The following FCAMR variants were observed in gnomAD, a reference collection of about 807,000 sequenced individuals.
FCAMR encodes high affinity immunoglobulin alpha and immunoglobulin mu Fc receptor.
A neutral mutation model predicts 52.2 loss-of-function variants in FCAMR; 51 were observed. That is an observed-to-expected ratio of 0.98 (90% CI 0.78 to 1.23). FCAMR has a LOEUF of 1.23. Among genes scored for constraint, FCAMR ranks in the 50% most tolerant of loss-of-function variants. The pLI, the probability that FCAMR is intolerant of heterozygous loss-of-function variation, is 0.00. For synonymous variants in FCAMR, 282 were observed against 262.0 expected (o/e 1.08, Z -0.74); for missense variants, 719 against 712.6 (o/e 1.01, Z -0.10).
At chr1:206,968,990 C>A (rs1002487679) in intron 1 of FCAMR, among the ~76,000 whole-genome samples, 3 of 152,182 alleles carry the variant, frequency 2.0e-5, no homozygotes, top group African/African-American at 7.2e-5. Context: ...TGTAGCAAGT[C>A]CCCTAGCTTG....
At chr1:206,960,147 C>A in intron 6 of FCAMR, 1 of 509,384 alleles carries the variant, frequency 2.0e-6, no homozygotes, top group Non-Finnish European at 3.4e-6. Flanking sequence ...TCCGGAGCGC[C>A]TATTCTTTAT....
rs1188472581 is a variant in FCAMR at position 206,962,331 on chromosome 1, T to C, written c.534A>G (p.Arg178=). 2 of 1,614,150 alleles carry C rather than the reference T, an allele frequency of 1.2e-6. No individual in the cohort carries two copies. Among genetic ancestry groups the C allele is most frequent in the African/African-American group, 1.3e-5 (1 of 75,028 alleles). Residue 178 remains arginine (R), a synonymous_variant, in exon 5 of 8, where the codon AGA becomes AGG. Coordinates refer to ENST00000324852, the MANE Select transcript of FCAMR (RefSeq NM_001170631.2). ...GGGACAGCCTCACCACAAACAAGCC[T>C]CTCTGTGGAAAGTCTGTGAGGGCCA... ...DRVALTDFPQ[R]GLFVVRLSQL...
At position 206,960,942 on chromosome 1, in the gene FCAMR, G is replaced by T. The variant is rs763852435; in HGVS notation, c.934C>A (p.Pro312Thr). ...VKAPAPIPES[P>T]PSKSRSMSNT... is the part of the protein sequence containing the mutation. The stretch of plus-strand genomic sequence containing the variant: ...GACATGCTTCTGCTCTTTGAAGGTG[G>T]ACTCTCTGGAATCGGAGCAGGTGCT... Residue 312 changes from proline to threonine, a missense_variant, in exon 6 of 8, where the codon CCA becomes ACA. Pro to Thr is a conservative substitution (Grantham distance 38, BLOSUM62 -1). Coordinates refer to ENST00000324852, the MANE Select transcript of FCAMR (RefSeq NM_001170631.2). 1 of 1,552,166 alleles carries T rather than the reference G, an allele frequency of 6.4e-7. No homozygotes were observed. The highest frequency in any genetic ancestry group is 8.7e-7 in the Non-Finnish European group (1 of 1,147,098).
At chr1:206,959,560 C>CCTAGAATTTAG in intron 7 of FCAMR, 119 bp downstream of exon 7, 1 of 718,716 alleles carries the variant, frequency 1.4e-6, no homozygotes, top group Non-Finnish European at 2.5e-6. Flanking sequence ...AATGGCTCAG[C>CCTAGAATTTAG]CTAGAATTTA....
In FCAMR at chr1:206,965,748, G is replaced by A; in HGVS notation, c.280C>T (p.Pro94Ser). 7 of 1,580,412 alleles carry A rather than the reference G, an allele frequency of 4.4e-6. No homozygotes were observed. Among genetic ancestry groups the A allele is most frequent in the Non-Finnish European group, 6.0e-6 (7 of 1,167,730 alleles). The change falls in exon 4 of 8, where the codon CCC becomes TCC. Residue 94 changes from proline (P) to serine (S), a missense_variant. By Grantham distance (74) the Pro-to-Ser change is moderately conservative (BLOSUM62 -1). Transcript: ENST00000324852. ...GAGCTCTCCTCCCGCCAGCAGAGGG[G>A]CGAGGAAGGCCTGAGTGTTCCCATG... ...RAMGTLRPSSPLCWREESSFA... is the reference protein window; with the variant it reads ...RAMGTLRPSSSLCWREESSFA...
In FCAMR at chr1:206,961,191, C is replaced by G; in HGVS notation, c.685G>C (p.Ala229Pro). Residue 229 changes from alanine to proline, a missense_variant, in exon 6 of 8, where the codon GCT (alanine) becomes CCT (proline). Ala to Pro is a conservative substitution (Grantham distance 27). Transcript: ENST00000324852. ...GATCTCATGGTGAGCTCCCCAGCAG[C>G]TGGAGTGGCTGTGGGGAGGGTGCTG... ...PASTLPTATP[A>P]AGELTMRSYG... The G allele has an allele frequency of 6.4e-7, 1 of 1,550,930 alleles. No homozygotes were observed.
intron 6 of FCAMR, 106 bp from the exon 7 acceptor site, chr1:206,959,903 C>A: frequency 1.1e-6 from 1 of 898,880 alleles, no homozygotes. Context: ...GAGCTGAGGC[C>A]AAAGCAAATG....
At chr1:206,962,635 G>T in intron 4 of FCAMR, 84 bp from the exon 5 acceptor site, 1 of 1,180,184 alleles carries the variant, frequency 8.5e-7, no homozygotes, top group Non-Finnish European at 1.2e-6. Flanking sequence ...AACTCTGCCA[G>T]AATTAGGGGT....
At chr1:206,969,937 C>A in intron 1 of FCAMR, 150 bp downstream of exon 1, 1 of 820,780 alleles carries the variant, frequency 1.2e-6, no homozygotes, top group Non-Finnish European at 2.0e-6. Context: ...CCCCTATGTT[C>A]TGGACTCTAG....
intron 3 of FCAMR, 59 bp downstream of exon 3, chr1:206,966,993 C>G (rs1353592281): frequency 6.3e-7 from 1 of 1,577,290 alleles, no homozygotes. Flanking sequence ...TTTAGGGCAG[C>G]CTGGAAGACT....
intron 4 of FCAMR, among the ~76,000 whole-genome samples, chr1:206,965,291 T>C (rs373126928): frequency 3.5e-4 from 53 of 152,272 alleles, no homozygotes; most frequent in African/African-American, 1.1e-3. Context: ...TACTTCACAA[T>C]AGAAAGCTGA....
chr1:206,958,401 CA>C lies in FCAMR; in HGVS notation c.*114del. ...TCTTCCATGGGTGGAGCACCGGCTG[CA>C]TCAGCTTCTCTTCCCACAGGTGGAG... On this transcript the variant is annotated 3_prime_UTR_variant, in exon 8 of 8. Coordinates refer to ENST00000324852, the MANE Select transcript of FCAMR (RefSeq NM_001170631.2). 1 of 1,201,796 alleles carries C rather than the reference CA, an allele frequency of 8.3e-7. No homozygotes were observed. Among genetic ancestry groups the C allele is most frequent in the Non-Finnish European group, 1.1e-6 (1 of 876,540 alleles). 74.4% of individuals were successfully genotyped at this position (1,201,796 alleles called of 1,614,324 possible). A position where few individuals can be genotyped will look rare whatever the true frequency, so the allele number is the denominator to read the frequency against.
rs369666643 is a variant in FCAMR, at chr1:206,967,128, T to G, written c.109-16A>C. The G allele has an allele frequency of 5.6e-5, 90 of 1,613,128 alleles. No individual in the cohort carries two copies. The highest frequency in any genetic ancestry group is 7.4e-5 in the Non-Finnish European group (87 of 1,179,720). The stretch of plus-strand genomic sequence containing the variant: ...TGCTGGTGACCTGCAAAAAACACTC[T>G]AAATGAAAAGAGGCCTGAGAGAAGC... On this transcript the variant is annotated splice_polypyrimidine_tract_variant and intron_variant, in intron 2 of 7. Transcript: ENST00000324852.
chr1:206,965,455 A>G (rs1253439903), intron 4 of FCAMR, among the ~76,000 whole-genome samples: 1 of 152,230 alleles, frequency 6.6e-6, no homozygotes, highest in Non-Finnish European at 1.5e-5. Flanking sequence ...TATATTAACT[A>G]CCATAAGAAT....
At chr1:206,970,014 A>C in intron 1 of FCAMR, 73 bp downstream of exon 1, 1 of 1,579,282 alleles carries the variant, frequency 6.3e-7, no homozygotes, top group Non-Finnish European at 8.7e-7. Flanking sequence ...AGCATGTGTG[A>C]CAGCTATGGC....
Position 206,960,877 on chromosome 1 carries a change from C to G in FCAMR, c.999G>C (p.Ser333=), listed in dbSNP as rs376163382. The change falls in exon 6 of 8, where the codon TCG becomes TCC. Residue 333 remains serine (S), a synonymous_variant. Coordinates refer to ENST00000324852, the MANE Select transcript of FCAMR (RefSeq NM_001170631.2). The stretch of plus-strand genomic sequence containing the variant: ...TGCTGGCTCTAGCCCTGTTTGTCAC[C>G]GAGCTTCTGGTGCCCTCCCAAACAC... The part of the protein sequence containing the change: ...TEGVWEGTRS[S]VTNRARASKD... The G allele has an allele frequency of 1.9e-6, 3 of 1,552,386 alleles. No individual in the cohort carries two copies. Among genetic ancestry groups the G allele is most frequent in the Non-Finnish European group, 2.6e-6 (3 of 1,147,150 alleles).
intron 1 of FCAMR, 151 bp from the exon 2 acceptor site, chr1:206,967,802 T>A: frequency 1.4e-6 from 1 of 699,932 alleles, no homozygotes; most frequent in Non-Finnish European, 2.5e-6. Context: ...CCACAACTTC[T>A]AGAAAGCCCT....
Position 206,970,092 on chromosome 1 carries a change from G to C in FCAMR, c.34C>G (p.Gln12Glu). Reference sequence around the variant, plus strand: ...AGGAGAAAGCATCATTTCACCTTTTGTTCTCCAGGCTTCACTGTGGCCTCT... The same window carrying C: ...AGGAGAAAGCATCATTTCACCTTTTCTTCTCCAGGCTTCACTGTGGCCTCT... Reference protein sequence around the residue: ...DGEATVKPGEQKEVVRRGREV... With the variant: ...DGEATVKPGEEKEVVRRGREV... Residue 12 changes from glutamine (Q) to glutamate (E), a missense_variant, in exon 1 of 8, where the codon CAA becomes GAA. Gln to Glu is a conservative substitution (Grantham distance 29, BLOSUM62 2). Transcript: ENST00000324852. 1 of 1,614,056 alleles carries C rather than the reference G, an allele frequency of 6.2e-7. No individual in the cohort carries two copies. Among genetic ancestry groups the C allele is most frequent in the Non-Finnish European group, 8.5e-7 (1 of 1,179,960 alleles).
At chr1:206,969,453 C>A in intron 1 of FCAMR, 1 of 368,176 alleles carries the variant, frequency 2.7e-6, no homozygotes, top group Middle Eastern at 3.8e-4. Context: ...GGCCATAATT[C>A]AGTAGCCTGG....
Sources: gnomAD v4.1 joint callset for allele counts (sites outside exome capture counted in the v4.1 genomes callset) on GRCh38, gnomAD v4.1.1 for gene constraint, MANE v1.5 for transcripts, NCBI Gene and HGNC (gene_info 2026-07-23, HGNC 2026-07-21) for gene names.